Variants in CLDN16 observed in about 807,000 individuals in gnomAD.
CLDN16 encodes claudin-16.
CLDN16 carries 13 observed loss-of-function variants against 24.6 expected under a neutral mutation model. The observed-to-expected ratio is 0.53, with a 90% CI of 0.34 to 0.84. CLDN16 has a LOEUF of 0.84. Ranked by LOEUF, CLDN16 falls within the 40% of genes least tolerant of loss-of-function variation. The pLI is 0.01. For missense variants in CLDN16, 298 were observed against 292.7 expected, an observed-to-expected ratio of 1.02 and a Z score of -0.13; for synonymous variants, 116 against 106.7, an observed-to-expected ratio of 1.09 and a Z score of -0.54.
chr3:190,335,708 C>CAA (rs34082811), intron 1 of CLDN16, among the ~76,000 whole-genome samples: 3,845 of 59,728 alleles, frequency 0.064, 275 homozygotes, highest in East Asian at 0.092. Flanking sequence ...AAGACTCCAT[C>CAA]AAAAAAAAAA....
intron 4 of CLDN16, among the ~76,000 whole-genome samples, chr3:190,409,442 C>G (rs1022162493): frequency 2.0e-5 from 3 of 151,466 alleles, no homozygotes; most frequent in Non-Finnish European, 4.4e-5. Flanking sequence ...AACTATTATA[C>G]ATTTGAATAT....
chr3:190,378,962 A>C (rs957149809), intron 3 of CLDN16, among the ~76,000 whole-genome samples: 3 of 151,984 alleles, frequency 2.0e-5, no homozygotes, highest in Non-Finnish European at 4.4e-5. Flanking sequence ...ACAAATGTTT[A>C]TATACTCCAA....
intron 1 of CLDN16, among the ~76,000 whole-genome samples, chr3:190,352,758 C>A (rs1251302052): frequency 6.6e-6 from 1 of 151,060 alleles, no homozygotes; most frequent in African/African-American, 2.4e-5. Context: ...CAAAGAGAAT[C>A]TCGTAGAATT....
intron 1 of CLDN16, among the ~76,000 whole-genome samples, chr3:190,356,586 A>G (rs1263001193): frequency 6.6e-6 from 1 of 151,878 alleles, no homozygotes; most frequent in Non-Finnish European, 1.5e-5. Flanking sequence ...AATGTTATTC[A>G]TACTAAAACA....
chr3:190,374,658 T>C (rs1291794682), intron 3 of CLDN16: 2 of 152,000 alleles, frequency 1.3e-5, no homozygotes, highest in Non-Finnish European at 2.9e-5. Context: ...GCTTTCTAGA[T>C]AGATCCAGGC....
chr3:190,386,084 A>G (rs1450760519), upstream of CLDN16, among the ~76,000 whole-genome samples: 1 of 152,150 alleles, frequency 6.6e-6, no homozygotes, highest in Non-Finnish European at 1.5e-5. Context: ...AAATGTCAGC[A>G]ACAAGTCCAG....
At chr3:190,322,293 T>A, upstream of CLDN16, 1 of 1,188,540 alleles carries the variant, frequency 8.4e-7, no homozygotes, top group Non-Finnish European at 1.2e-6. Context: ...CTCCCGAAGG[T>A]GGCTGGGCCC....
Position 190,410,096 on chromosome 3 carries a change from A to C in CLDN16, c.*60A>C, listed in dbSNP as rs1358627083. On this transcript the variant is annotated 3_prime_UTR_variant, in exon 5 of 5. Transcript: ENST00000264734. ...AATCAATCAGTATGGTTACATTGATAAAATAGTAAGTCAATCCAGGAACAG... is the reference window on the plus strand; with the variant it reads ...AATCAATCAGTATGGTTACATTGATCAAATAGTAAGTCAATCCAGGAACAG... The C allele has an allele frequency of 2.6e-6, 4 of 1,561,542 alleles. No individual in the cohort carries two copies. Among genetic ancestry groups the C allele is most frequent in the Non-Finnish European group, 3.5e-6 (4 of 1,132,234 alleles).
At chr3:190,364,863 C>T (rs1176312647) in intron 1 of CLDN16, among the ~76,000 whole-genome samples, 1 of 151,614 alleles carries the variant, frequency 6.6e-6, no homozygotes, top group East Asian at 2.0e-4. Context: ...TCGGCACGCC[C>T]CACGTCACAG....
the CLDN16 span, chr3:190,313,186 TAACCCA>T: frequency 1.3e-6 from 1 of 784,122 alleles, no homozygotes; most frequent in Non-Finnish European, 2.1e-6. Context: ...TTTCCGCTGG[TAACCCA>T]ATATACAGTA....
At chr3:190,314,461 A>G in the CLDN16 span, among the ~76,000 whole-genome samples, 2 of 151,920 alleles carry the variant, frequency 1.3e-5, no homozygotes, top group Non-Finnish European at 2.9e-5. Context: ...GTGGTGCGAT[A>G]TGGGCTCACT....
chr3:190,376,134 A>G lies in CLDN16; in HGVS notation n.306+1531A>G, dbSNP rs189597263. ...CAAAGGAATCCACATCATTGACTTC[A>G]GAATATGTTGTGCTGAAACTATCAA... On this transcript the variant is annotated intron_variant and non_coding_transcript_variant, in intron 3 of 4. Coordinates refer to the CLDN16 transcript ENST00000468220. Among the ~76,000 whole-genome samples, 149 of 151,994 alleles carry G rather than the reference A, an allele frequency of 9.8e-4. No homozygotes were observed. In the South Asian group the frequency reaches 0.015, roughly 15 times the overall value.
At chr3:190,396,736 C>T (rs1199540269) in intron 1 of CLDN16, among the ~76,000 whole-genome samples, 1 of 152,050 alleles carries the variant, frequency 6.6e-6, no homozygotes, top group Non-Finnish European at 1.5e-5. Context: ...TGGACAAATT[C>T]CTGTGGGATT....
chr3:190,393,202 C>T (rs562805385), intron 1 of CLDN16, among the ~76,000 whole-genome samples: 2 of 152,194 alleles, frequency 1.3e-5, no homozygotes, highest in Admixed American at 6.5e-5. Flanking sequence ...ATGTTACTCA[C>T]CAAGAGTTTA....
intron 3 of CLDN16, among the ~76,000 whole-genome samples, chr3:190,405,255 C>T (rs1719066881): frequency 1.3e-5 from 2 of 151,752 alleles, no homozygotes; most frequent in South Asian, 4.2e-4. Context: ...ATGGTGAAAC[C>T]CTATCCCCAC....
Position 190,327,926 on chromosome 3 carries a change from G to GT in CLDN16, n.121+5273dup, listed in dbSNP as rs200674436. ...CAATTTTGACTCACAAGTAGATCTT[G>GT]TTTTTTTTGTGTGTGTTTAGAGAAC... On this transcript the variant is annotated intron_variant and non_coding_transcript_variant, in intron 1 of 4. Coordinates refer to the CLDN16 transcript ENST00000468220. Among the ~76,000 whole-genome samples, 389 of 151,954 alleles carry GT rather than the reference G, an allele frequency of 2.6e-3. 1 individual carries two copies. Among genetic ancestry groups the GT allele is most frequent in the African/African-American group, 8.5e-3 (351 of 41,438 alleles).
intron 1 of CLDN16, among the ~76,000 whole-genome samples, chr3:190,348,000 T>A (rs1717588372): frequency 6.6e-6 from 1 of 151,494 alleles, no homozygotes; most frequent in Non-Finnish European, 1.5e-5. Context: ...TCCCAGCATT[T>A]TGAGAGGCCA....
the CLDN16 span, among the ~76,000 whole-genome samples, chr3:190,311,902 T>G: frequency 6.6e-6 from 1 of 151,970 alleles, no homozygotes; most frequent in Non-Finnish European, 1.5e-5. Flanking sequence ...TGACACATAA[T>G]GTAACTTATC....
chr3:190,308,659 T>C, the CLDN16 span, among the ~76,000 whole-genome samples: 1 of 152,196 alleles, frequency 6.6e-6, no homozygotes, highest in African/African-American at 2.4e-5. Flanking sequence ...AAATAACACA[T>C]GTAATACCAG....
Sources: allele counts gnomAD v4.1 joint callset (sites outside exome capture counted in the v4.1 genomes callset), GRCh38; gene constraint gnomAD v4.1.1; transcripts MANE v1.5; gene names NCBI Gene and HGNC (gene_info 2026-07-23, HGNC 2026-07-21).